Variants in PISD observed in about 807,000 individuals in gnomAD.
The protein encoded by PISD is phosphatidylserine decarboxylase.
Under a neutral mutation model 43.5 loss-of-function variants are expected in PISD, and 31 were observed. The observed-to-expected ratio is 0.71, with a 90% CI of 0.54 to 0.96. The LOEUF is 0.96. PISD is among the 40% of genes least tolerant of loss of function. The pLI is 0.00. For missense variants in PISD, 523 were observed against 548.4 expected (o/e 0.95, Z 0.46); for synonymous variants, 259 against 228.7 (o/e 1.13, Z -1.20).
chr22:31,648,397 G>T, intron 2 of PISD, 121 bp from the exon 3 acceptor site: 2 of 770,140 alleles, frequency 2.6e-6, no homozygotes, highest in Non-Finnish European at 4.2e-6. Context: ...CTCAGTAGGG[G>T]ACCAGGCACA....
intron 3 of PISD, among the ~76,000 whole-genome samples, chr22:31,622,719 G>C (rs1052524924): frequency 6.6e-6 from 1 of 152,230 alleles, no homozygotes; most frequent in African/African-American, 2.4e-5. Context: ...ACCTAAGACA[G>C]ACGATGGCCT....
Position 31,621,061 on chromosome 22 carries a change from G to C in PISD, c.779C>G (p.Pro260Arg). The C allele has an allele frequency of 3.1e-6, 5 of 1,614,082 alleles. No individual in the cohort carries two copies. The highest frequency in any genetic ancestry group is 4.2e-6 in the Non-Finnish European group (5 of 1,179,960). Residue 260 changes from proline (P) to arginine (R), a missense_variant, in exon 6 of 8, where the codon CCT (proline) becomes CGT (arginine). By Grantham distance (103) the Pro-to-Arg change is moderately radical. Transcript: ENST00000439502. Reference protein sequence around the residue: ...ELYHCVIYLAPGDYHCFHSPT... With the variant: ...ELYHCVIYLARGDYHCFHSPT... Reference sequence around the variant, plus strand: ...GGAGTGGAAGCAGTGGTAGTCCCCAGGGGCCAGGTAGATGACACAGTGATA... The same window carrying C: ...GGAGTGGAAGCAGTGGTAGTCCCCACGGGCCAGGTAGATGACACAGTGATA...
rs2073137684 is a variant in PISD, at chr22:31,630,296, G to A, written c.322-8411C>T. 6.6e-6 allele frequency among the ~76,000 whole-genome samples: 1 copy of A among 152,076 alleles called. No homozygotes were observed. The highest frequency in any genetic ancestry group is 1.9e-4 in the East Asian group (1 of 5,166). The stretch of plus-strand genomic sequence containing the variant: ...TGGGTGCTGAGGGGAACCGGCTCTG[G>A]GCAAAGGCAGTAAGCCGGCCACCCG... On this transcript the variant is annotated intron_variant, in intron 3 of 7. Transcript: ENST00000439502. The surrounding 1 kb of genome is among the most constrained non-coding windows in gnomAD (Gnocchi z 4.4).
chr22:31,632,374 G>C (rs2073241140), intron 3 of PISD: 1 of 243,976 alleles, frequency 4.1e-6, no homozygotes, highest in African/African-American at 2.3e-5. Flanking sequence ...GTGGTACAGG[G>C]GTGGCAGATA....
chr22:31,629,908 T>C (rs2073116937), intron 3 of PISD: 1 of 152,130 alleles, frequency 6.6e-6, no homozygotes, highest in African/African-American at 2.4e-5. Flanking sequence ...ACCACCCCTC[T>C]TGAAGCCTCA....
At chr22:31,637,159 AAAAAAATATATAT>A (rs1244224181) in intron 3 of PISD, among the ~76,000 whole-genome samples, 54 of 27,710 alleles carry the variant, frequency 1.9e-3, no homozygotes, top group African/African-American at 6.1e-3. Flanking sequence ...AAAAAAAAAA[AAAAAAATATATAT>A]ATATATATAT....
At chr22:31,645,471 G>C (rs1049111936) in intron 3 of PISD, among the ~76,000 whole-genome samples, 2 of 151,362 alleles carry the variant, frequency 1.3e-5, no homozygotes, top group African/African-American at 4.8e-5. Flanking sequence ...TTGGGAGGCC[G>C]AGGTGGGCGG....
At chr22:31,637,861 C>T (rs1224172497) in intron 3 of PISD, among the ~76,000 whole-genome samples, 1 of 152,226 alleles carries the variant, frequency 6.6e-6, no homozygotes, top group Non-Finnish European at 1.5e-5. Flanking sequence ...TCACGTCCTA[C>T]ACATTACAAG....
Position 31,638,610 on chromosome 22 carries a change from C to G in PISD, c.321+9491G>C, listed in dbSNP as rs1294922812. The G allele has an allele frequency of 3.0e-6, 3 of 985,210 alleles. No homozygotes were observed. In the African/African-American group the frequency reaches 5.2e-5, roughly 17 times the overall value. The allele number at this position is 985,210 out of a possible 1,614,324, so 61.0% of individuals were successfully genotyped here. ...CTCAGAGATCTGCCCCCATCCTTCC[C>G]TAGCCTCTGCCACAAAAACCAGTTC... On this transcript the variant is annotated intron_variant, in intron 3 of 7. Transcript: ENST00000439502.
At chr22:31,652,001 T>A (rs551394949) in intron 1 of PISD, among the ~76,000 whole-genome samples, 1,792 of 152,308 alleles carry the variant, frequency 0.012, 36 homozygotes, top group African/African-American at 0.042. Context: ...CAATAAACAT[T>A]TTTTTCCTTG....
rs546560726 is a variant in PISD at position 31,619,895 on chromosome 22, C to G, written c.1006-59G>C. Reference sequence around the variant, plus strand: ...GGCCACCAAGTGCACAGTGTCACCCCCACATGTGTTTGGAGTCCCACTCCC... The same window carrying G: ...GGCCACCAAGTGCACAGTGTCACCCGCACATGTGTTTGGAGTCCCACTCCC... On this transcript the variant is annotated intron_variant, in intron 7 of 7. Coordinates refer to ENST00000439502, the MANE Select transcript of PISD (RefSeq NM_001326411.2). The G allele has an allele frequency of 5.2e-6, 6 of 1,147,200 alleles. 1 individual carries two copies. In the East Asian group the frequency reaches 9.9e-5, roughly 19 times the overall value. The allele number at this position is 1,147,200 out of a possible 1,614,324, so 71.1% of individuals were successfully genotyped here. A position where few individuals can be genotyped will look rare whatever the true frequency, so the allele number is the denominator to read the frequency against.
upstream of PISD, chr22:31,662,283 G>A (rs16989379): frequency 0.045 from 65,488 of 1,443,484 alleles, 1,578 homozygotes; most frequent in Non-Finnish European, 0.05. Context: ...CGAGTCTCGA[G>A]TTCAGTGGGC....
chr22:31,656,518 C>T (rs987847944), intron 1 of PISD, among the ~76,000 whole-genome samples: 1 of 150,810 alleles, frequency 6.6e-6, no homozygotes, highest in African/African-American at 2.4e-5. Flanking sequence ...GTGTGGTGGT[C>T]GGTGCCTATA....
At chr22:31,653,978 A>G (rs2074102393) in intron 1 of PISD, among the ~76,000 whole-genome samples, 2 of 152,136 alleles carry the variant, frequency 1.3e-5, no homozygotes, top group Admixed American at 1.3e-4. Flanking sequence ...CCATGCTATC[A>G]TTCTTTGGTC....
In PISD at chr22:31,651,673, G is replaced by A. The variant is rs377050429; in HGVS notation, c.66-895C>T. On this transcript the variant is annotated intron_variant, in intron 1 of 7. Transcript: ENST00000439502. ...TGAGGCAGGAGAATCACTTGAACCC[G>A]GGAGGCAGAGGTTGAGATGAGCTGA... Among the ~76,000 whole-genome samples the A allele has an allele frequency of 4.4e-3, 674 of 152,152 alleles. 7 individuals carry two copies. The highest frequency in any genetic ancestry group is 0.015 in the African/African-American group (639 of 41,536).
chr22:31,636,318 G>C (rs890943102), intron 3 of PISD, among the ~76,000 whole-genome samples: 4 of 152,146 alleles, frequency 2.6e-5, no homozygotes, highest in African/African-American at 9.7e-5. Context: ...TAGAAACAAG[G>C]AAGCAGCGCT....
chr22:31,658,445 T>C (rs1465773561), intron 1 of PISD, among the ~76,000 whole-genome samples: 2 of 152,166 alleles, frequency 1.3e-5, no homozygotes, highest in East Asian at 3.8e-4. Context: ...TTATTAAGAG[T>C]TGATATTCAG....
chr22:31,626,827 C>T (rs1288113174), intron 3 of PISD, among the ~76,000 whole-genome samples: 2 of 152,194 alleles, frequency 1.3e-5, no homozygotes, highest in Admixed American at 1.3e-4. Flanking sequence ...CAAGGCCCTC[C>T]AGGATATGGG....
chr22:31,650,842 G>T, intron 1 of PISD, 64 bp from the exon 2 acceptor site: 3 of 1,063,240 alleles, frequency 2.8e-6, no homozygotes, highest in Non-Finnish European at 4.2e-6. Flanking sequence ...TGGATTAATC[G>T]GCAAAATTTA....
Sources: allele counts gnomAD v4.1 joint callset (sites outside exome capture counted in the v4.1 genomes callset), GRCh38; gene constraint gnomAD v4.1.1; non-coding constraint Gnocchi (gnomAD v3.1); transcripts MANE v1.5; gene names NCBI Gene and HGNC (gene_info 2026-07-23, HGNC 2026-07-21).